Variants in CACNB2 observed in about 807,000 individuals in gnomAD.
CACNB2 encodes calcium voltage-gated channel auxiliary subunit beta 2.
CACNB2 carries 42 observed loss-of-function variants against 73.3 expected under a neutral mutation model. The observed-to-expected ratio is 0.57, with a 90% CI of 0.45 to 0.74. CACNB2 has a LOEUF of 0.74. Among genes scored for constraint, CACNB2 ranks in the 30% least tolerant of loss-of-function variants. CACNB2 has a pLI of 0.00. For missense variants in CACNB2, 940 were observed against 853.0 expected (o/e 1.10, Z -1.27); for synonymous variants, 348 against 310.3 (o/e 1.12, Z -1.28).
intron 3 of CACNB2, among the ~76,000 whole-genome samples, chr10:18,423,694 T>C (rs2045446369): frequency 6.6e-6 from 1 of 152,174 alleles, no homozygotes; most frequent in Admixed American, 6.5e-5. Context: ...AGAGAATATA[T>C]AGTAACATAA....
At chr10:18,429,638 G>A (rs2045775007) in intron 3 of CACNB2, among the ~76,000 whole-genome samples, 1 of 145,292 alleles carries the variant, frequency 6.9e-6, no homozygotes, top group African/African-American at 2.6e-5. Flanking sequence ...ACCAGCTTGG[G>A]CAACATAGCA....
chr10:18,357,101 T>C (rs1038350819), intron 2 of CACNB2, among the ~76,000 whole-genome samples: 3 of 150,532 alleles, frequency 2.0e-5, no homozygotes, highest in Non-Finnish European at 3.0e-5. Context: ...CGCACCACCA[T>C]GCCCGGCTAA....
intron 2 of CACNB2, among the ~76,000 whole-genome samples, chr10:18,217,920 GAT>G (rs1469224679): frequency 6.6e-6 from 1 of 152,162 alleles, no homozygotes; most frequent in Admixed American, 6.5e-5. Context: ...TCTTGGTTGA[GAT>G]GGTGGTGCAT....
chr10:18,300,691 A>G (rs2039473072), intron 2 of CACNB2, among the ~76,000 whole-genome samples: 1 of 152,138 alleles, frequency 6.6e-6, no homozygotes, highest in Non-Finnish European at 1.5e-5. Flanking sequence ...TCTACTAAAA[A>G]TACAAAAATT....
At chr10:18,539,201 A>C (rs1375559085) in intron 13 of CACNB2, 29 bp from the exon 14 acceptor site, 2 of 1,613,720 alleles carry the variant, frequency 1.2e-6, no homozygotes, top group African/African-American at 1.3e-5. Flanking sequence ...GACCTTGGTT[A>C]ACGCCTGGTG....
Position 18,287,015 on chromosome 10 carries a change from T to C in CACNB2, c.214-114909T>C, listed in dbSNP as rs560544994. Reference sequence around the variant, plus strand: ...TAAAATTCAAGGCAAATATGTAAACTAATATAGGCATACTTTAAAAATCAA... The same window carrying C: ...TAAAATTCAAGGCAAATATGTAAACCAATATAGGCATACTTTAAAAATCAA... On this transcript the variant is annotated intron_variant, in intron 2 of 13. Transcript: ENST00000324631. 2.0e-5 allele frequency among the ~76,000 whole-genome samples: 3 copies of C among 152,256 alleles called. No individual in the cohort carries two copies. In the South Asian group the frequency reaches 6.2e-4, roughly 32 times the overall value.
intron 2 of CACNB2, among the ~76,000 whole-genome samples, chr10:18,316,468 CTT>C (rs79771428): frequency 2.8e-5 from 4 of 143,124 alleles, no homozygotes; most frequent in Admixed American, 7.0e-5. Flanking sequence ...TCCCCCCTCT[CTT>C]TTTTTTTTTT....
chr10:18,315,497 T>G (rs2040133292), intron 2 of CACNB2, among the ~76,000 whole-genome samples: 2 of 48,238 alleles, frequency 4.1e-5, no homozygotes, highest in Admixed American at 2.3e-4. Flanking sequence ...CTTGTCTCTA[T>G]TTAAAAAAAA....
intron 3 of CACNB2, among the ~76,000 whole-genome samples, chr10:18,429,822 A>C (rs1257537577): frequency 6.6e-6 from 1 of 151,536 alleles, no homozygotes; most frequent in Non-Finnish European, 1.5e-5. Context: ...AAAAAAAAAA[A>C]AAAACAAATT....
At position 18,441,452 on chromosome 10, in the gene CACNB2, G is replaced by A. The variant is rs544066736; in HGVS notation, c.333+39409G>A. Among the ~76,000 whole-genome samples the A allele has an allele frequency of 9.9e-5, 15 of 152,184 alleles. No individual in the cohort carries two copies. The South Asian group carries it at 2.1e-3, about 21-fold the overall frequency. ...AACTGAACTATACGGCTTCCTTGAT[G>A]GGGTTTGTTTTTCATCAACTTTTGC... On this transcript the variant is annotated intron_variant, in intron 3 of 13. Coordinates refer to ENST00000324631, the MANE Select transcript of CACNB2 (RefSeq NM_201596.3).
chr10:18,441,247 T>C (rs1180896887), intron 3 of CACNB2, among the ~76,000 whole-genome samples: 1 of 151,878 alleles, frequency 6.6e-6, no homozygotes, highest in African/African-American at 2.4e-5. Flanking sequence ...CTACTAAAAA[T>C]AGAAAAAATT....
intron 2 of CACNB2, among the ~76,000 whole-genome samples, chr10:18,220,164 C>T (rs1321291360): frequency 1.5e-5 from 1 of 65,914 alleles, no homozygotes; most frequent in Non-Finnish European, 2.5e-5. Flanking sequence ...TACACACACA[C>T]ACACACACAT....
At position 18,242,934 on chromosome 10, in the gene CACNB2, C is replaced by T. The variant is rs1180195831; in HGVS notation, c.213+91959C>T. On this transcript the variant is annotated intron_variant, in intron 2 of 13. Coordinates refer to ENST00000324631, the MANE Select transcript of CACNB2 (RefSeq NM_201596.3). ...CTGAGTCAGGAGAATGGCATGAACC[C>T]GGGAGGCGGAGCTTGCAGTGAGCCG... is the stretch of plus-strand genomic sequence containing the variant. 9.4e-5 allele frequency among the ~76,000 whole-genome samples: 14 copies of T among 148,992 alleles called. No individual in the cohort carries two copies. The East Asian group carries it at 1.2e-3, about 13-fold the overall frequency.
At chr10:18,371,733 G>A (rs2132296087) in intron 2 of CACNB2, among the ~76,000 whole-genome samples, 1 of 152,254 alleles carries the variant, frequency 6.6e-6, no homozygotes, top group East Asian at 1.9e-4. Context: ...TGGGATGGCT[G>A]GGTCAAATGG....
chr10:18,164,195 GT>G (rs2032680442), intron 2 of CACNB2, among the ~76,000 whole-genome samples: 2 of 152,206 alleles, frequency 1.3e-5, no homozygotes, highest in African/African-American at 4.8e-5. Context: ...AGGTCACAGG[GT>G]TTAGAGCTGC....
intron 2 of CACNB2, among the ~76,000 whole-genome samples, chr10:18,331,878 A>G (rs1427161282): frequency 6.6e-6 from 1 of 152,192 alleles, no homozygotes; most frequent in East Asian, 1.9e-4. Context: ...AAGTATGTTC[A>G]TGGTGGCAGC....
chr10:18,213,774 A>G (rs2035408370), intron 2 of CACNB2, among the ~76,000 whole-genome samples: 1 of 152,208 alleles, frequency 6.6e-6, no homozygotes, highest in Admixed American at 6.5e-5. Flanking sequence ...GAATGGCTAG[A>G]AGAGCCATCT....
intron 13 of CACNB2, among the ~76,000 whole-genome samples, 193 bp downstream of exon 13, chr10:18,538,558 T>C (rs1482896214): frequency 2.0e-5 from 3 of 152,090 alleles, no homozygotes; most frequent in Admixed American, 6.6e-5. Context: ...ATTGGGAACA[T>C]ACACAGACTA....
At chr10:18,160,090 G>T (rs1353054476) in intron 2 of CACNB2, among the ~76,000 whole-genome samples, 3 of 152,034 alleles carry the variant, frequency 2.0e-5, no homozygotes, top group African/African-American at 4.8e-5. Context: ...GGAGATATAG[G>T]TACTTTAGAA....
Sources: gnomAD v4.1 joint callset for allele counts (sites outside exome capture counted in the v4.1 genomes callset) on GRCh38, gnomAD v4.1.1 for gene constraint, MANE v1.5 for transcripts, NCBI Gene and HGNC (gene_info 2026-07-23, HGNC 2026-07-21) for gene names.